EFHD1: variants seen among roughly 807,000 people sequenced by gnomAD.
EFHD1 encodes the protein EF-hand domain-containing protein D1.
In EFHD1, 10 loss-of-function variants were observed where a neutral mutation model predicts 17.2. That is an observed-to-expected ratio of 0.58 (90% CI 0.36 to 0.99). The LOEUF is 0.99. EFHD1 is among the 50% of genes least tolerant of loss of function. The probability of loss-of-function intolerance (pLI) is 0.01; values close to 1 mark genes in which losing one functional copy is unlikely to be tolerated. For synonymous variants in EFHD1, 153 were observed against 142.0 expected, an observed-to-expected ratio of 1.08 and a Z score of -0.55; for missense variants, 310 against 327.5, an observed-to-expected ratio of 0.95 and a Z score of 0.41.
At chr2:232,667,943 C>T (rs564345029) in intron 2 of EFHD1, among the ~76,000 whole-genome samples, 11 of 152,332 alleles carry the variant, frequency 7.2e-5, no homozygotes, top group African/African-American at 2.4e-4. Context: ...AGAGTTCTAA[C>T]TAATACCGTG....
Position 232,624,230 on chromosome 2 carries a change from C to T in EFHD1, c.14+18057C>T, listed in dbSNP as rs78995530. Among the ~76,000 whole-genome samples the T allele has an allele frequency of 6.6e-3, 1,004 of 152,296 alleles. 8 individuals are homozygous for T. Among genetic ancestry groups the T allele is most frequent in the African/African-American group, 0.023 (936 of 41,554 alleles). ...TGAGCCTGTGGGGAGCTGAGCCTAC[C>T]CAGGGAACCCAGGTCTTTGCTAATC... On this transcript the variant is annotated intron_variant, in intron 1 of 3. Transcript: ENST00000409613.
At chr2:232,616,189 AGCCTTC>A (rs1249305687) in intron 1 of EFHD1, among the ~76,000 whole-genome samples, 1 of 152,246 alleles carries the variant, frequency 6.6e-6, no homozygotes. Flanking sequence ...AGTATTACTC[AGCCTTC>A]GACAGGGAGG....
At chr2:232,634,396 G>C (rs978503974) in intron 1 of EFHD1, among the ~76,000 whole-genome samples, 2 of 152,236 alleles carry the variant, frequency 1.3e-5, no homozygotes, top group Admixed American at 6.5e-5. Flanking sequence ...TCCCCCCAAG[G>C]GAAAAATTAG....
intron 1 of EFHD1, among the ~76,000 whole-genome samples, chr2:232,648,835 G>A (rs924981436): frequency 1.5e-4 from 23 of 152,162 alleles, no homozygotes; most frequent in African/African-American, 5.3e-4. Context: ...GTTGAAAAAG[G>A]CAATGCGTGA....
chr2:232,681,053 G>GTTGGGACAGAAGAACT (rs1486239306), intron 3 of EFHD1, among the ~76,000 whole-genome samples: 1 of 152,050 alleles, frequency 6.6e-6, no homozygotes, highest in Non-Finnish European at 1.5e-5. Flanking sequence ...CTACTCGGGA[G>GTTGGGACAGAAGAACT]GCTGAGACAG....
chr2:232,619,188 TAAACAAAC>T (rs147273584), intron 1 of EFHD1, among the ~76,000 whole-genome samples: 8 of 97,812 alleles, frequency 8.2e-5, no homozygotes, highest in African/African-American at 2.5e-4. Flanking sequence ...AATAAATAAA[TAAACAAAC>T]AAACAAACAA....
At chr2:232,610,635 T>C (rs1370266845) in intron 1 of EFHD1, 3 of 152,004 alleles carry the variant, frequency 2.0e-5, no homozygotes, top group Non-Finnish European at 1.5e-5. Flanking sequence ...CCCAACACTT[T>C]GGGAACCTGA....
chr2:232,669,895 G>A (rs1014539046), intron 2 of EFHD1, among the ~76,000 whole-genome samples: 65 of 152,132 alleles, frequency 4.3e-4, no homozygotes, highest in African/African-American at 1.5e-3. Flanking sequence ...CACTGCACCT[G>A]GCGAGAAGGC....
intron 1 of EFHD1, among the ~76,000 whole-genome samples, chr2:232,642,419 A>C (rs908529558): frequency 6.6e-6 from 1 of 150,878 alleles, no homozygotes; most frequent in South Asian, 2.1e-4. Context: ...AACAAAAGCT[A>C]ATTAGCCTTG....
In EFHD1 at chr2:232,640,807, C is replaced by T. The variant is rs1038897998; in HGVS notation, c.302+6801C>T. 3.0e-4 allele frequency among the ~76,000 whole-genome samples: 46 copies of T among 152,264 alleles called. 1 individual carries two copies. Among genetic ancestry groups the T allele is most frequent in the Non-Finnish European group, 2.1e-4 (14 of 68,020 alleles). ...TTCAAAGCAGGGGCTCCTGGTCGTTCTGGGCACAGCCAGGGAGGAGCAGCC... is the reference window on the plus strand; with the variant it reads ...TTCAAAGCAGGGGCTCCTGGTCGTTTTGGGCACAGCCAGGGAGGAGCAGCC... On this transcript the variant is annotated intron_variant, in intron 1 of 3. Transcript: ENST00000264059.
chr2:232,672,391 T>G lies in EFHD1; in HGVS notation c.533T>G (p.Ile178Ser). 1 of 1,613,976 alleles carries G rather than the reference T, an allele frequency of 6.2e-7. No homozygotes were observed. Among genetic ancestry groups the G allele is most frequent in the Non-Finnish European group, 8.5e-7 (1 of 1,179,912 alleles). The change falls in exon 3 of 4, where the codon ATC becomes AGC. Residue 178 changes from isoleucine to serine, a missense_variant. Ile to Ser is a moderately radical substitution (Grantham distance 142). Transcript: ENST00000264059. ...GLMALAKLSE[I>S]DVALEGVKGA... ...ATGGCGCTGGCAAAGCTTTCTGAGA[T>G]CGATGTGGCCCTGGAGGGTGTCAAA...
At chr2:232,648,022 T>A (rs1332442271) in intron 1 of EFHD1, among the ~76,000 whole-genome samples, 1 of 152,148 alleles carries the variant, frequency 6.6e-6, no homozygotes, top group East Asian at 1.9e-4. Context: ...AGAGGATTGC[T>A]TGAGTACAGG....
chr2:232,675,519 A>T (rs1013312231), intron 3 of EFHD1, among the ~76,000 whole-genome samples: 3 of 152,036 alleles, frequency 2.0e-5, no homozygotes, highest in Non-Finnish European at 4.4e-5. Flanking sequence ...GCCCACCCAC[A>T]TCCACCTGGG....
rs1440497171 is a variant in EFHD1 at position 232,677,264 on chromosome 2, AACACACACATACAC to A, written c.586-4311_586-4298del. On this transcript the variant is annotated intron_variant, in intron 3 of 3. Transcript: ENST00000264059. Reference sequence around the variant, plus strand: ...CACGTACACACACACATCTTTCTATAACACACACATACACACACACACACACACACGTACACACA... The same window carrying A: ...CACGTACACACACACATCTTTCTATAACACACACACACACACGTACACACA... Among the ~76,000 whole-genome samples the A allele has an allele frequency of 4.0e-3, 212 of 53,000 alleles. 1 individual carries two copies. The highest frequency in any genetic ancestry group is 7.8e-3 in the African/African-American group (201 of 25,832). 34.8% of individuals were successfully genotyped at this position (53,000 alleles called of 152,430 possible).
At position 232,662,462 on chromosome 2, in the gene EFHD1, G is replaced by A. The variant is rs551723482; in HGVS notation, c.303-340G>A. ...GGCCAGCTCCTGCAACCCCTCCAGT[G>A]TCCAGCATTAGGAGGAGGTGCTCGC... is the stretch of plus-strand genomic sequence containing the variant. On this transcript the variant is annotated intron_variant, in intron 1 of 3. Transcript: ENST00000264059. Among the ~76,000 whole-genome samples, 15 of 152,270 alleles carry A rather than the reference G, an allele frequency of 9.9e-5. No individual in the cohort carries two copies. In the East Asian group the frequency reaches 2.9e-3, roughly 29 times the overall value.
chr2:232,664,906 C>T (rs1694943168), intron 2 of EFHD1, among the ~76,000 whole-genome samples: 1 of 151,922 alleles, frequency 6.6e-6, no homozygotes, highest in Admixed American at 6.6e-5. Flanking sequence ...AGCCACCACG[C>T]CCGGCCTATT....
In EFHD1 at chr2:232,607,446, A is replaced by AAGT. The variant is rs571932800; in HGVS notation, c.14+1275_14+1276insTAG. The stretch of plus-strand genomic sequence containing the variant: ...CTCCTAAAAATTAAAAAAAAAAAAA[A>AAGT]AGCCTGGCGTGGTAGCAGGCAACTG... On this transcript the variant is annotated intron_variant, in intron 1 of 3. Transcript: ENST00000409613. 1.6e-3 allele frequency among the ~76,000 whole-genome samples: 233 copies of AAGT among 148,472 alleles called. 5 individuals carry two copies. Among genetic ancestry groups the AAGT allele is most frequent in the Non-Finnish European group, 1.7e-3 (113 of 67,150 alleles).
intron 1 of EFHD1, among the ~76,000 whole-genome samples, chr2:232,635,706 C>T (rs1442809438): frequency 6.6e-6 from 1 of 152,098 alleles, no homozygotes; most frequent in Non-Finnish European, 1.5e-5. Flanking sequence ...GTAGTCCCAG[C>T]TACTCGGGAG....
In EFHD1 at chr2:232,633,837, C is replaced by A. The variant is rs1324049261; in HGVS notation, c.133C>A (p.Arg45Ser). Residue 45 changes from arginine (R) to serine (S), a missense_variant, in exon 1 of 4, where the codon CGT (arginine) becomes AGT (serine). Coordinates refer to ENST00000264059, the MANE Select transcript of EFHD1 (RefSeq NM_025202.4). ...CAAGCCCGAGCCCGAGCCTCCCGCC[C>A]GTGCGCCCACGGCCAGCGCCGACGC... The part of the protein sequence containing the change: ...EPKPEPEPPA[R>S]APTASADAEL... 2.7e-6 allele frequency: 4 copies of A among 1,485,322 alleles called. No homozygotes were observed. The highest frequency in any genetic ancestry group is 3.5e-6 in the Non-Finnish European group (4 of 1,126,978). The allele number at this position is 1,485,322 out of a possible 1,614,324, so 92.0% of individuals were successfully genotyped here. A position where few individuals can be genotyped will look rare whatever the true frequency, so the allele number is the denominator to read the frequency against.
Sources: allele counts gnomAD v4.1 joint callset (sites outside exome capture counted in the v4.1 genomes callset), GRCh38; gene constraint gnomAD v4.1.1; transcripts MANE v1.5; gene names NCBI Gene and HGNC (gene_info 2026-07-23, HGNC 2026-07-21).